The following TAF3 variants were observed in gnomAD, a reference collection of about 807,000 sequenced individuals.
The protein encoded by TAF3 is TATA-box binding protein associated factor 3.
A neutral mutation model predicts 80.6 loss-of-function variants in TAF3; 7 were observed. The observed-to-expected ratio is 0.09, with a 90% confidence interval of 0.05 to 0.16. The LOEUF is 0.16. TAF3 is among the 10% of genes least tolerant of loss of function. The probability of loss-of-function intolerance (pLI) is 1.00; values close to 1 mark genes in which losing one functional copy is unlikely to be tolerated. For missense variants in TAF3, 921 were observed against 1,140.2 expected, an observed-to-expected ratio of 0.81 and a Z score of 2.77; for synonymous variants, 444 against 446.1, an observed-to-expected ratio of 1.00 and a Z score of 0.06.
Position 7,818,505 on chromosome 10 carries a change from A to C in TAF3, c.-205A>C. ...TGCTGCCTCGCCCCGGCGGCCGTCCAGCGGGAGGCGGAGCGAGTCCAAAAT... is the reference window on the plus strand; with the variant it reads ...TGCTGCCTCGCCCCGGCGGCCGTCCCGCGGGAGGCGGAGCGAGTCCAAAAT... On this transcript the variant is annotated 5_prime_UTR_variant, in exon 1 of 7. Coordinates refer to ENST00000344293, the MANE Select transcript of TAF3 (RefSeq NM_031923.4). The C allele has an allele frequency of 2.0e-6, 1 of 497,178 alleles. No homozygotes were observed. Among genetic ancestry groups the C allele is most frequent in the Non-Finnish European group, 3.5e-6 (1 of 286,752 alleles). The allele number at this position is 497,178 out of a possible 1,614,324, so 30.8% of individuals were successfully genotyped here. A position where few individuals can be genotyped will look rare whatever the true frequency, so the allele number is the denominator to read the frequency against.
intron 2 of TAF3, among the ~76,000 whole-genome samples, chr10:7,935,102 C>A (rs1362687992): frequency 6.6e-6 from 1 of 152,002 alleles, no homozygotes; most frequent in African/African-American, 2.4e-5. Context: ...CATGGTGAAA[C>A]CGCATTTCTA....
intron 2 of TAF3, among the ~76,000 whole-genome samples, chr10:7,848,058 C>T (rs948069547): frequency 2.0e-5 from 3 of 152,244 alleles, no homozygotes; most frequent in Admixed American, 2.0e-4. Context: ...GCATGAGCCA[C>T]TGTGCCCAGC....
intron 2 of TAF3, among the ~76,000 whole-genome samples, chr10:7,878,923 T>TC (rs1253990382): frequency 2.0e-5 from 3 of 152,074 alleles, no homozygotes; most frequent in African/African-American, 7.2e-5. Context: ...AGACAGGGTT[T>TC]CCCTATGTTG....
intron 3 of TAF3, among the ~76,000 whole-genome samples, chr10:7,976,107 T>C (rs1370370794): frequency 6.6e-6 from 1 of 152,206 alleles, no homozygotes; most frequent in Admixed American, 6.6e-5. Context: ...GAAGAGACCC[T>C]TTAACATCAG....
chr10:7,996,156 T>C (rs1831885195), intron 4 of TAF3, among the ~76,000 whole-genome samples: 1 of 152,138 alleles, frequency 6.6e-6, no homozygotes, highest in African/African-American at 2.4e-5. Flanking sequence ...TAGTTTCTTG[T>C]GGTTGGGGAT....
At chr10:7,993,885 T>A (rs1831858302) in intron 4 of TAF3, among the ~76,000 whole-genome samples, 1 of 148,522 alleles carries the variant, frequency 6.7e-6, no homozygotes, top group African/African-American at 2.5e-5. Context: ...ACAATCTTTT[T>A]TTTTTTTTTT....
chr10:7,906,956 A>G (rs560900318), intron 2 of TAF3, among the ~76,000 whole-genome samples: 1 of 151,832 alleles, frequency 6.6e-6, no homozygotes, highest in Non-Finnish European at 1.5e-5. Flanking sequence ...CTTATCTAAG[A>G]CTTTGCATGT....
At chr10:7,870,126 C>T (rs1490930110) in intron 2 of TAF3, among the ~76,000 whole-genome samples, 1 of 152,130 alleles carries the variant, frequency 6.6e-6, no homozygotes, top group African/African-American at 2.4e-5. Flanking sequence ...TTTAAGGACT[C>T]GCTCTAAAGA....
chr10:7,994,977 GAAA>G, intron 4 of TAF3, among the ~76,000 whole-genome samples: 1 of 97,662 alleles, frequency 1.0e-5, no homozygotes, highest in East Asian at 3.1e-4. Flanking sequence ...CTCAAAAAAA[GAAA>G]AAAAAAAAAA....
At chr10:7,866,522 G>A (rs1190404301) in intron 2 of TAF3, among the ~76,000 whole-genome samples, 1 of 152,174 alleles carries the variant, frequency 6.6e-6, no homozygotes, top group Non-Finnish European at 1.5e-5. Context: ...CCTCTGAAGT[G>A]AGAGTCAACT....
chr10:7,844,335 G>A (rs1836947615), intron 2 of TAF3, among the ~76,000 whole-genome samples: 2 of 150,068 alleles, frequency 1.3e-5, no homozygotes, highest in South Asian at 4.2e-4. Flanking sequence ...CATTAACACA[G>A]TTCTCTCATT....
intron 2 of TAF3, among the ~76,000 whole-genome samples, chr10:7,932,669 A>ATTTTTTTTTTTTTTT (rs34907761): frequency 3.8e-5 from 3 of 78,820 alleles, no homozygotes; most frequent in African/African-American, 1.7e-4. Flanking sequence ...GTTCCACTTA[A>ATTTTTTTTTTTTTTT]TTTTTTTTTT....
chr10:7,990,442 T>G (rs1329304663), intron 4 of TAF3, among the ~76,000 whole-genome samples: 1 of 152,242 alleles, frequency 6.6e-6, no homozygotes, highest in African/African-American at 2.4e-5. Flanking sequence ...CTGCTTTATA[T>G]GGAGGCTGCC....
At chr10:7,848,639 TA>T (rs1481398796) in intron 2 of TAF3, among the ~76,000 whole-genome samples, 4 of 152,208 alleles carry the variant, frequency 2.6e-5, no homozygotes, top group African/African-American at 9.6e-5. Context: ...AAGGATTTCT[TA>T]AAGTTCAGCC....
At chr10:7,845,150 A>G (rs1262475278) in intron 2 of TAF3, among the ~76,000 whole-genome samples, 1 of 152,174 alleles carries the variant, frequency 6.6e-6, no homozygotes, top group Non-Finnish European at 1.5e-5. Flanking sequence ...TAGCATTTCA[A>G]AGTGTATTGT....
At chr10:7,909,595 G>A (rs1041012152) in intron 2 of TAF3, among the ~76,000 whole-genome samples, 1 of 152,212 alleles carries the variant, frequency 6.6e-6, no homozygotes, top group South Asian at 2.1e-4. Flanking sequence ...TTTAGAAAGG[G>A]TGATGAATTA....
chr10:7,886,748 C>T (rs185179423), intron 2 of TAF3, among the ~76,000 whole-genome samples: 1 of 152,196 alleles, frequency 6.6e-6, no homozygotes, highest in Admixed American at 6.5e-5. Context: ...TATAACATGA[C>T]CTCTGCCTTC....
chr10:7,832,054 A>C (rs1336484225), intron 2 of TAF3, among the ~76,000 whole-genome samples: 3 of 152,002 alleles, frequency 2.0e-5, no homozygotes, highest in African/African-American at 7.3e-5. Context: ...AACATTTAAA[A>C]CTTACTCTCT....
chr10:7,983,287 G>A (rs562874241), intron 4 of TAF3, among the ~76,000 whole-genome samples: 28 of 152,344 alleles, frequency 1.8e-4, no homozygotes, highest in African/African-American at 6.5e-4. Flanking sequence ...GGAAGTGGTA[G>A]GTTCCAGAAG....
Sources: allele counts gnomAD v4.1 joint callset (sites outside exome capture counted in the v4.1 genomes callset), GRCh38; gene constraint gnomAD v4.1.1; transcripts MANE v1.5; gene names NCBI Gene and HGNC (gene_info 2026-07-23, HGNC 2026-07-21).